The following PRIM2 variants were observed in gnomAD, a reference collection of about 807,000 sequenced individuals.
The protein encoded by PRIM2 is DNA primase large subunit.
A neutral mutation model predicts 67.3 loss-of-function variants in PRIM2; 39 were observed. The ratio of observed to expected loss-of-function variants is 0.58; its 90% CI spans 0.45 to 0.76. PRIM2 has a LOEUF of 0.76. Ranked by LOEUF, PRIM2 falls within the 30% of genes least tolerant of loss-of-function variation. The pLI is 0.00. For missense variants in PRIM2, 398 were observed against 598.7 expected (o/e 0.66, Z 3.50); for synonymous variants, 143 against 198.7 (o/e 0.72, Z 2.36).
intron 7 of PRIM2, among the ~76,000 whole-genome samples, chr6:57,494,543 T>C (rs1773964044): frequency 6.6e-6 from 1 of 152,232 alleles, no homozygotes; most frequent in African/African-American, 2.4e-5. Flanking sequence ...AACTGATTTA[T>C]ATTTTTACTG....
the PRIM2 span, among the ~76,000 whole-genome samples, chr6:57,286,977 C>T: frequency 6.6e-6 from 1 of 152,162 alleles, no homozygotes; most frequent in Admixed American, 6.5e-5. Flanking sequence ...CAAAAGAAGA[C>T]ATTTATGTGG....
intron 5 of PRIM2, among the ~76,000 whole-genome samples, chr6:57,378,927 TTTTC>T (rs1235681589): frequency 6.6e-6 from 1 of 150,794 alleles, no homozygotes; most frequent in Non-Finnish European, 1.5e-5. Context: ...CATTTAGTTT[TTTTC>T]TTTATTATTA....
intron 7 of PRIM2, among the ~76,000 whole-genome samples, chr6:57,389,182 A>G (rs996867300): frequency 1.2e-4 from 18 of 152,252 alleles, no homozygotes; most frequent in African/African-American, 4.3e-4. Context: ...ACAACTCACC[A>G]TGGCCTTGAC....
Position 57,435,320 on chromosome 6 carries a change from G to A in PRIM2, c.693+53152G>A, listed in dbSNP as rs1271025692. Reference sequence around the variant, plus strand: ...ATTTGGTGAGGTTTAGTAGGACTCCGGAGGAATAACATTCGGGAAGGACAG... The same window carrying A: ...ATTTGGTGAGGTTTAGTAGGACTCCAGAGGAATAACATTCGGGAAGGACAG... On this transcript the variant is annotated intron_variant, in intron 7 of 13. Coordinates refer to ENST00000615550, the MANE Select transcript of PRIM2 (RefSeq NM_000947.5). The A allele has an allele frequency of 2.6e-5, 4 of 152,258 alleles. No homozygotes were observed. The South Asian group carries it at 8.3e-4, about 32-fold the overall frequency. The allele number at this position is 152,258 out of a possible 1,614,324, so 9.4% of individuals were successfully genotyped here. A position where few individuals can be genotyped will look rare whatever the true frequency, so the allele number is the denominator to read the frequency against.
At chr6:57,377,443 T>C (rs1769806279) in intron 5 of PRIM2, among the ~76,000 whole-genome samples, 1 of 151,986 alleles carries the variant, frequency 6.6e-6, no homozygotes, top group African/African-American at 2.4e-5. Flanking sequence ...GTGGACTATA[T>C]TGAAGCTTAG....
rs1775766602 is a variant in PRIM2, at chr6:57,567,487, CATG to C, written c.1020+29865_1020+29867del. 3.3e-5 allele frequency among the ~76,000 whole-genome samples: 5 copies of C among 152,214 alleles called. No homozygotes were observed. In the South Asian group the frequency reaches 1.0e-3, roughly 32 times the overall value. ...TGGGTGTATTAAAATTCATTTTTGA[CATG>C]ATATTTTCAACTTGTGATGGGTTTA... On this transcript the variant is annotated intron_variant, in intron 10 of 13. Coordinates refer to ENST00000615550, the MANE Select transcript of PRIM2 (RefSeq NM_000947.5).
At chr6:57,235,321 A>C in the PRIM2 span, among the ~76,000 whole-genome samples, 27 of 152,266 alleles carry the variant, frequency 1.8e-4, no homozygotes, top group East Asian at 5.0e-3. Flanking sequence ...AAAATTAGCC[A>C]GGTTTGCTGG....
intron 7 of PRIM2, among the ~76,000 whole-genome samples, chr6:57,507,121 T>C (rs1581959562): frequency 6.6e-6 from 1 of 151,954 alleles, no homozygotes; most frequent in Non-Finnish European, 1.5e-5. Context: ...CTCAGGACAC[T>C]CCCTTTTACT....
chr6:57,391,478 C>T (rs917961419), intron 7 of PRIM2, among the ~76,000 whole-genome samples: 31 of 151,832 alleles, frequency 2.0e-4, no homozygotes, highest in Non-Finnish European at 2.5e-4. Flanking sequence ...AGTTGTCTTC[C>T]AGGGTTTTCA....
At chr6:57,453,788 T>A (rs1772647552) in intron 7 of PRIM2, among the ~76,000 whole-genome samples, 4 of 152,216 alleles carry the variant, frequency 2.6e-5, no homozygotes, top group Admixed American at 2.6e-4. Context: ...TTCCTTCTCC[T>A]GCCTGATTGC....
chr6:57,601,754 A>G (rs1243932624), intron 11 of PRIM2, among the ~76,000 whole-genome samples: 1 of 152,232 alleles, frequency 6.6e-6, no homozygotes, highest in Non-Finnish European at 1.5e-5. Context: ...AAAACAAAAC[A>G]TCTCATTTGT....
chr6:57,574,749 GGCA>G (rs1421869524), intron 10 of PRIM2, among the ~76,000 whole-genome samples: 4 of 151,018 alleles, frequency 2.6e-5, no homozygotes, highest in African/African-American at 9.8e-5. Flanking sequence ...TTTCCAGTAA[GGCA>G]GGAATTCTTT....
chr6:57,603,922 T>G (rs1776517024), intron 11 of PRIM2, among the ~76,000 whole-genome samples: 1 of 152,172 alleles, frequency 6.6e-6, no homozygotes, highest in Non-Finnish European at 1.5e-5. Context: ...TCCTAAATAT[T>G]TTATTTATTT....
At chr6:57,262,986 G>T in the PRIM2 span, among the ~76,000 whole-genome samples, 17 of 152,250 alleles carry the variant, frequency 1.1e-4, no homozygotes, top group African/African-American at 3.9e-4. Context: ...CAAGGAGGGA[G>T]GTGAGGTCTA....
At position 57,574,390 on chromosome 6, in the gene PRIM2, G is replaced by A. The variant is rs2127482613; in HGVS notation, c.1021-26703G>A. Among the ~76,000 whole-genome samples, 3 of 152,210 alleles carry A rather than the reference G, an allele frequency of 2.0e-5. No homozygotes were observed. In the South Asian group the frequency reaches 6.2e-4, roughly 32 times the overall value. On this transcript the variant is annotated intron_variant, in intron 10 of 13. Transcript: ENST00000615550. ...CTACTATTGCCTCCCACTTCAATAA[G>A]TCTACACTTTCCTTGCTTGTTTGTG... is the stretch of plus-strand genomic sequence containing the variant.
intron 7 of PRIM2, among the ~76,000 whole-genome samples, chr6:57,498,122 C>T (rs1774047201): frequency 6.6e-6 from 1 of 152,074 alleles, no homozygotes. Context: ...AACCTGTTCT[C>T]TTTAAAGCTA....
chr6:57,478,102 A>G (rs1773519206), intron 7 of PRIM2, among the ~76,000 whole-genome samples: 2 of 152,242 alleles, frequency 1.3e-5, no homozygotes, highest in Admixed American at 6.5e-5. Flanking sequence ...TGAAGAAACT[A>G]AGGCACAGAA....
At chr6:57,286,512 A>G in the PRIM2 span, among the ~76,000 whole-genome samples, 1 of 152,242 alleles carries the variant, frequency 6.6e-6, no homozygotes, top group Non-Finnish European at 1.5e-5. Flanking sequence ...TGGGGAAAAG[A>G]TTCCCTATTT....
At chr6:57,541,972 G>GT (rs1775167190) in intron 10 of PRIM2, among the ~76,000 whole-genome samples, 1 of 127,888 alleles carries the variant, frequency 7.8e-6, no homozygotes. Context: ...GTTGTGTTTT[G>GT]GTTTTTTTTT....
Sources: allele counts gnomAD v4.1 joint callset (sites outside exome capture counted in the v4.1 genomes callset), GRCh38; gene constraint gnomAD v4.1.1; transcripts MANE v1.5; gene names NCBI Gene and HGNC (gene_info 2026-07-23, HGNC 2026-07-21).